PPP2R5E: variants seen among roughly 807,000 people sequenced by gnomAD.
The protein encoded by PPP2R5E is serine/threonine-protein phosphatase 2A 56 kDa regulatory subunit epsilon isoform.
PPP2R5E carries 4 observed loss-of-function variants against 65.3 expected under a neutral mutation model. That is an observed-to-expected ratio of 0.06 (90% CI 0.03 to 0.14). PPP2R5E has a LOEUF of 0.14. Ranked by LOEUF, PPP2R5E falls within the 10% of genes least tolerant of loss-of-function variation. The pLI, the probability that PPP2R5E is intolerant of heterozygous loss-of-function variation, is 1.00. For missense variants in PPP2R5E, 274 were observed against 556.1 expected (o/e 0.49, Z 5.10); for synonymous variants, 183 against 187.4 (o/e 0.98, Z 0.19).
chr14:63,443,836 C>T (rs1433536190), intron 3 of PPP2R5E, among the ~76,000 whole-genome samples: 1 of 152,184 alleles, frequency 6.6e-6, no homozygotes, highest in Non-Finnish European at 1.5e-5. Context: ...CAAAAGTTCA[C>T]ATAAATGCTA....
chr14:63,472,284 G>A (rs1890175398), intron 2 of PPP2R5E, among the ~76,000 whole-genome samples: 1 of 152,122 alleles, frequency 6.6e-6, no homozygotes. Context: ...TGGGTGACAA[G>A]AGTGAATCTC....
intron 2 of PPP2R5E, among the ~76,000 whole-genome samples, chr14:63,511,408 A>ACTAT (rs1208675729): frequency 2.0e-5 from 3 of 152,194 alleles, no homozygotes; most frequent in African/African-American, 7.2e-5. Flanking sequence ...TGTGAGTGAG[A>ACTAT]CTATCCATCT....
chr14:63,511,009 C>G (rs1430497281), intron 2 of PPP2R5E, among the ~76,000 whole-genome samples: 1 of 152,226 alleles, frequency 6.6e-6, no homozygotes, highest in Non-Finnish European at 1.5e-5. Context: ...ATCCATTGAA[C>G]CAAGGTGAGA....
intron 2 of PPP2R5E, among the ~76,000 whole-genome samples, chr14:63,498,181 T>C (rs1180425799): frequency 6.6e-6 from 1 of 152,244 alleles, no homozygotes; most frequent in African/African-American, 2.4e-5. Flanking sequence ...TTAAAATGTT[T>C]GTTTTTTTCT....
chr14:63,469,391 G>A (rs1219721215), intron 2 of PPP2R5E, among the ~76,000 whole-genome samples: 3 of 152,164 alleles, frequency 2.0e-5, no homozygotes, highest in African/African-American at 7.2e-5. Flanking sequence ...ATTAATAATG[G>A]CAAAAAATAC....
intron 3 of PPP2R5E, among the ~76,000 whole-genome samples, chr14:63,430,269 T>C (rs1410544657): frequency 6.6e-6 from 1 of 152,044 alleles, no homozygotes; most frequent in Non-Finnish European, 1.5e-5. Context: ...ATCCCAGCAC[T>C]TTGGGAGGCC....
intron 2 of PPP2R5E, among the ~76,000 whole-genome samples, chr14:63,508,491 C>G (rs549224735): frequency 6.6e-6 from 1 of 152,208 alleles, no homozygotes; most frequent in Admixed American, 6.5e-5. Context: ...CTACAATAAG[C>G]CTTTTCCATA....
At chr14:63,529,162 A>G (rs966470756) in intron 2 of PPP2R5E, among the ~76,000 whole-genome samples, 4 of 152,062 alleles carry the variant, frequency 2.6e-5, no homozygotes, top group African/African-American at 9.7e-5. Context: ...GGGTCTCACT[A>G]TGTTGCCCAG....
intron 13 of PPP2R5E, among the ~76,000 whole-genome samples, chr14:63,379,598 T>G (rs939359129): frequency 2.0e-5 from 3 of 152,074 alleles, no homozygotes; most frequent in Admixed American, 6.5e-5. Flanking sequence ...GAAAGTACAC[T>G]CATTATAAAT....
chr14:63,495,786 G>A (rs767127822), intron 2 of PPP2R5E, among the ~76,000 whole-genome samples: 10 of 151,670 alleles, frequency 6.6e-5, no homozygotes, highest in South Asian at 2.1e-4. Flanking sequence ...AACCTCCTGC[G>A]TGCAAATGAT....
At chr14:63,448,676 C>T (rs1386238095) in intron 3 of PPP2R5E, among the ~76,000 whole-genome samples, 1 of 151,676 alleles carries the variant, frequency 6.6e-6, no homozygotes, top group Admixed American at 6.6e-5. Context: ...ATAATGCCAG[C>T]TACTCAGGAG....
At chr14:63,528,776 A>G (rs1321102084) in intron 2 of PPP2R5E, among the ~76,000 whole-genome samples, 1 of 152,204 alleles carries the variant, frequency 6.6e-6, no homozygotes, top group African/African-American at 2.4e-5. Flanking sequence ...ATTACTTATT[A>G]GTCAACTAAG....
At chr14:63,509,307 C>T (rs1251323207) in intron 2 of PPP2R5E, among the ~76,000 whole-genome samples, 10 of 116,598 alleles carry the variant, frequency 8.6e-5, no homozygotes, top group African/African-American at 3.4e-4. Context: ...CAGGGTCTTG[C>T]TCTATCACCC....
intron 3 of PPP2R5E, among the ~76,000 whole-genome samples, chr14:63,444,060 C>G (rs1041809445): frequency 6.6e-6 from 1 of 152,218 alleles, no homozygotes. Flanking sequence ...CTCCGCCACA[C>G]AGAACCTTTC....
intron 5 of PPP2R5E, among the ~76,000 whole-genome samples, chr14:63,409,703 A>G (rs1235012918): frequency 6.6e-6 from 1 of 152,188 alleles, no homozygotes; most frequent in Non-Finnish European, 1.5e-5. Context: ...CCTGTTTAAG[A>G]TTGAAGGCAG....
chr14:63,398,744 C>A (rs1012037146), intron 5 of PPP2R5E, among the ~76,000 whole-genome samples: 1 of 152,070 alleles, frequency 6.6e-6, no homozygotes, highest in African/African-American at 2.4e-5. Flanking sequence ...GAGCCGAGAT[C>A]GCGCTGCTGC....
intron 2 of PPP2R5E, among the ~76,000 whole-genome samples, chr14:63,510,739 C>T (rs528354653): frequency 3.9e-5 from 6 of 152,190 alleles, no homozygotes; most frequent in Non-Finnish European, 7.3e-5. Flanking sequence ...GTTTTGTAAC[C>T]TCAGAAAGTA....
At chr14:63,506,921 T>A (rs1048850347) in intron 2 of PPP2R5E, among the ~76,000 whole-genome samples, 1 of 152,214 alleles carries the variant, frequency 6.6e-6, no homozygotes, top group East Asian at 1.9e-4. Flanking sequence ...TAAATGGATT[T>A]TTAAAATGTG....
chr14:63,469,432 C>T (rs1890002341), intron 2 of PPP2R5E, among the ~76,000 whole-genome samples: 1 of 152,202 alleles, frequency 6.6e-6, no homozygotes, highest in Admixed American at 6.5e-5. Context: ...GTGGCTCACG[C>T]CTGTAATCCC....
Sources: allele counts gnomAD v4.1 joint callset (sites outside exome capture counted in the v4.1 genomes callset), GRCh38; gene constraint gnomAD v4.1.1; transcripts MANE v1.5; gene names NCBI Gene and HGNC (gene_info 2026-07-23, HGNC 2026-07-21).